The following TBC1D5 variants were observed in gnomAD, a reference collection of about 807,000 sequenced individuals.
The protein encoded by TBC1D5 is TBC1 domain family member 5, also known as TBC1 domain family, member 5.
A neutral mutation model predicts 100.3 loss-of-function variants in TBC1D5; 75 were observed. That is an observed-to-expected ratio of 0.75 (90% CI 0.62 to 0.91). TBC1D5 has a LOEUF of 0.91. TBC1D5 is among the 40% of genes least tolerant of loss of function. TBC1D5 has a pLI of 0.00. For missense variants in TBC1D5, 910 were observed against 942.4 expected (o/e 0.97, Z 0.45); for synonymous variants, 323 against 325.6 (o/e 0.99, Z 0.09).
chr3:17,500,948 G>C (rs1017183514), intron 3 of TBC1D5, among the ~76,000 whole-genome samples: 2 of 149,228 alleles, frequency 1.3e-5, no homozygotes, highest in African/African-American at 2.5e-5. Context: ...GAGGAACTAG[G>C]CTTGGCATGT....
Position 17,561,550 on chromosome 3 carries a change from T to G in TBC1D5, c.-35-52945A>C, listed in dbSNP as rs369721262. Among the ~76,000 whole-genome samples the G allele has an allele frequency of 9.9e-4, 150 of 152,136 alleles. 4 individuals carry two copies. In the South Asian group the frequency reaches 0.029, roughly 29 times the overall value. On this transcript the variant is annotated intron_variant, in intron 2 of 21. Coordinates refer to ENST00000253692, the Ensembl canonical transcript of TBC1D5. ...ACTAAATTTTGATAAGTTGACCAAGTGGAAGGCGAAAAAACATAAAGTATT... is the reference window on the plus strand; with the variant it reads ...ACTAAATTTTGATAAGTTGACCAAGGGGAAGGCGAAAAAACATAAAGTATT...
chr3:17,364,050 A>G (rs2091939978), intron 13 of TBC1D5, among the ~76,000 whole-genome samples: 3 of 151,916 alleles, frequency 2.0e-5, no homozygotes, highest in African/African-American at 7.3e-5. Flanking sequence ...CCGGACTGAA[A>G]TTTTGAAGTA....
chr3:17,162,902 G>A (rs1389046985), intron 21 of TBC1D5, among the ~76,000 whole-genome samples: 29 of 152,200 alleles, frequency 1.9e-4, no homozygotes, highest in Non-Finnish European at 4.4e-5. Context: ...GTCCTGCACT[G>A]TAAACTGTGA....
intron 1 of TBC1D5, among the ~76,000 whole-genome samples, chr3:17,656,518 A>G (rs2066077205): frequency 6.6e-6 from 1 of 152,220 alleles, no homozygotes; most frequent in South Asian, 2.1e-4. Flanking sequence ...ATTACTTCCT[A>G]TAATCTTAAA....
At chr3:17,239,490 T>C (rs2076139926) in intron 16 of TBC1D5, among the ~76,000 whole-genome samples, 1 of 152,202 alleles carries the variant, frequency 6.6e-6, no homozygotes, top group Non-Finnish European at 1.5e-5. Context: ...TTATAACATG[T>C]TTTTTCAAGG....
chr3:17,705,926 C>G, intron 1 of TBC1D5: 1 of 1,065,992 alleles, frequency 9.4e-7, no homozygotes, highest in Non-Finnish European at 1.3e-6. Flanking sequence ...GCCCGCGGGG[C>G]CCGTCCGCTC....
At chr3:17,692,774 G>A (rs1298693395) in intron 1 of TBC1D5, among the ~76,000 whole-genome samples, 1 of 152,196 alleles carries the variant, frequency 6.6e-6, no homozygotes, top group Non-Finnish European at 1.5e-5. Context: ...GCACTGATCT[G>A]AAGATCACAG....
chr3:17,677,744 C>G (rs533946936), intron 1 of TBC1D5, among the ~76,000 whole-genome samples: 3 of 152,258 alleles, frequency 2.0e-5, no homozygotes, highest in Admixed American at 6.5e-5. Context: ...TTGGAACCAA[C>G]CCAAATGTCC....
intron 1 of TBC1D5, among the ~76,000 whole-genome samples, chr3:17,633,158 C>T (rs1415405953): frequency 6.6e-6 from 1 of 152,154 alleles, no homozygotes; most frequent in Non-Finnish European, 1.5e-5. Flanking sequence ...CTCATCCGGC[C>T]GTGCACGGTG....
At chr3:17,291,777 C>T (rs2081768804) in intron 15 of TBC1D5, 118 bp downstream of exon 15, 2 of 898,334 alleles carry the variant, frequency 2.2e-6, no homozygotes, top group Admixed American at 2.8e-5. Context: ...CAAATGCTAC[C>T]ATTAGGCAAT....
At chr3:17,178,559 G>A (rs2125382363) in intron 19 of TBC1D5, among the ~76,000 whole-genome samples, 1 of 152,172 alleles carries the variant, frequency 6.6e-6, no homozygotes, top group South Asian at 2.1e-4. Flanking sequence ...CATATTTTTA[G>A]CTCAATTTTT....
At chr3:17,622,839 A>G (rs1002207221) in intron 2 of TBC1D5, 2 of 152,232 alleles carry the variant, frequency 1.3e-5, no homozygotes, top group Admixed American at 1.3e-4. Context: ...CATCTTAAGT[A>G]CCTGTGAACA....
intron 2 of TBC1D5, among the ~76,000 whole-genome samples, chr3:17,526,386 T>G (rs1288610513): frequency 6.6e-6 from 1 of 152,002 alleles, no homozygotes; most frequent in Non-Finnish European, 1.5e-5. Flanking sequence ...CTCGGTTAAT[T>G]TCTTTTTATT....
At chr3:17,357,322 C>A (rs2091305145) in intron 13 of TBC1D5, among the ~76,000 whole-genome samples, 1 of 152,112 alleles carries the variant, frequency 6.6e-6, no homozygotes, top group Non-Finnish European at 1.5e-5. Context: ...GCAATACAAT[C>A]CACTGAAAAG....
At chr3:17,736,732 C>A (rs370254902) in intron 1 of TBC1D5, among the ~76,000 whole-genome samples, 51 of 152,294 alleles carry the variant, frequency 3.3e-4, no homozygotes, top group African/African-American at 8.7e-4. Flanking sequence ...TTCCTGGAGG[C>A]CTGGTGCAAT....
intron 2 of TBC1D5, among the ~76,000 whole-genome samples, chr3:17,591,199 G>A (rs1215317814): frequency 1.7e-5 from 2 of 115,368 alleles, no homozygotes; most frequent in Non-Finnish European, 3.3e-5. Flanking sequence ...TTGCGCCACT[G>A]TACTCCAGAC....
intron 15 of TBC1D5, among the ~76,000 whole-genome samples, chr3:17,277,278 A>C (rs372233518): frequency 6.6e-6 from 1 of 151,862 alleles, no homozygotes; most frequent in Non-Finnish European, 1.5e-5. Flanking sequence ...TTTTCTTCTC[A>C]CCTCCCCTCC....
chr3:17,515,813 G>A (rs1430107944), intron 2 of TBC1D5, among the ~76,000 whole-genome samples: 3 of 152,094 alleles, frequency 2.0e-5, no homozygotes, highest in East Asian at 3.8e-4. Flanking sequence ...TATCTAGTAA[G>A]GAAAGCAAGT....
chr3:17,668,723 A>G (rs1464433830), intron 1 of TBC1D5, among the ~76,000 whole-genome samples: 1 of 152,034 alleles, frequency 6.6e-6, no homozygotes, highest in Non-Finnish European at 1.5e-5. Flanking sequence ...ATAAAAATTT[A>G]GATTTTTAAC....
Sources: allele counts gnomAD v4.1 joint callset (sites outside exome capture counted in the v4.1 genomes callset), GRCh38; gene constraint gnomAD v4.1.1; transcripts MANE v1.5; gene names NCBI Gene and HGNC (gene_info 2026-07-23, HGNC 2026-07-21).